Variants in CDKN2B-AS1 observed in about 807,000 individuals in gnomAD.
CDKN2B-AS1 encodes CDKN2B and CDKN2A antisense cis and trans regulatory RNA 1.
At chr9:22,064,185 GT>G (rs1823939931) in intron 4 of CDKN2B-AS1, among the ~76,000 whole-genome samples, 1 of 152,154 alleles carries the variant, frequency 6.6e-6, no homozygotes, top group African/African-American at 2.4e-5. Flanking sequence ...GGGGAGAAGA[GT>G]TCTATTGTGT....
chr9:22,015,587 A>C (rs1821711072), intron 1 of CDKN2B-AS1, among the ~76,000 whole-genome samples: 1 of 152,000 alleles, frequency 6.6e-6, no homozygotes, highest in Admixed American at 6.5e-5. Flanking sequence ...TGAATCTTCA[A>C]TTCATTAACA....
intron 1 of CDKN2B-AS1, among the ~76,000 whole-genome samples, chr9:22,017,643 A>T (rs1348333144): frequency 6.6e-6 from 1 of 152,244 alleles, no homozygotes; most frequent in Non-Finnish European, 1.5e-5. Context: ...ACCTTGTCAC[A>T]TCAGTAATGT....
intron 4 of CDKN2B-AS1, among the ~76,000 whole-genome samples, chr9:22,095,445 C>G (rs1825241204): frequency 6.8e-6 from 1 of 146,772 alleles, no homozygotes. Context: ...GCACTGTGGT[C>G]TGAGAGACAG....
chr9:22,030,755 A>G (rs1457404513), intron 1 of CDKN2B-AS1: 2 of 151,876 alleles, frequency 1.3e-5, no homozygotes, highest in Non-Finnish European at 2.9e-5. Flanking sequence ...GTAAGTATTA[A>G]TTGAAATAGT....
intron 1 of CDKN2B-AS1, among the ~76,000 whole-genome samples, chr9:22,022,461 C>T (rs1037514507): frequency 3.3e-5 from 5 of 152,050 alleles, no homozygotes; most frequent in African/African-American, 1.2e-4. Flanking sequence ...TTGTCAGAAA[C>T]TAGGATTGGA....
At chr9:22,018,035 T>A (rs567007249) in intron 1 of CDKN2B-AS1, among the ~76,000 whole-genome samples, 1 of 152,212 alleles carries the variant, frequency 6.6e-6, no homozygotes, top group Non-Finnish European at 1.5e-5. Context: ...TTGAGATAGA[T>A]GAAAACATTT....
At chr9:22,080,359 T>C (rs1563968796) in intron 4 of CDKN2B-AS1, among the ~76,000 whole-genome samples, 1 of 152,228 alleles carries the variant, frequency 6.6e-6, no homozygotes, top group Non-Finnish European at 1.5e-5. Context: ...ATATTTTCCG[T>C]GTTCACTATG....
At chr9:22,061,497 G>A (rs1823817460) in intron 4 of CDKN2B-AS1, among the ~76,000 whole-genome samples, 1 of 152,020 alleles carries the variant, frequency 6.6e-6, no homozygotes, top group Admixed American at 6.6e-5. Context: ...CTACAAACAT[G>A]GATCATTATT....
intron 1 of CDKN2B-AS1, among the ~76,000 whole-genome samples, chr9:22,024,888 CCA>C (rs746688875): frequency 3.5e-4 from 53 of 152,282 alleles, no homozygotes; most frequent in Non-Finnish European, 5.6e-4. Context: ...ATTCTGTGGG[CCA>C]CCACAGCACC....
At position 22,006,094 on chromosome 9, in the gene CDKN2B-AS1, C is replaced by T. The variant is rs1419378636; in HGVS notation, n.29+10933C>T. On this transcript the variant is annotated intron_variant and non_coding_transcript_variant, in intron 1 of 4. Transcript: ENST00000650946. The surrounding 1 kb of genome is among the most constrained non-coding windows in gnomAD (Gnocchi z 6.4). ...CAGGCATCGCGCACGTCCAGCCGCGCCCCGGCCCGGTGCAGCACCACCAGC... is the reference window on the plus strand; with the variant it reads ...CAGGCATCGCGCACGTCCAGCCGCGTCCCGGCCCGGTGCAGCACCACCAGC... The T allele has an allele frequency of 1.9e-6, 3 of 1,608,432 alleles. No homozygotes were observed. In the African/African-American group the frequency reaches 4.0e-5, roughly 21 times the overall value.
At chr9:22,051,720 G>A (rs550113618) in intron 3 of CDKN2B-AS1, among the ~76,000 whole-genome samples, 24 of 152,046 alleles carry the variant, frequency 1.6e-4, no homozygotes, top group Non-Finnish European at 8.8e-5. Flanking sequence ...TAAAAAGTTG[G>A]AGATTTTTGT....
chr9:22,090,770 G>A (rs1238153391), intron 4 of CDKN2B-AS1, among the ~76,000 whole-genome samples: 1 of 152,054 alleles, frequency 6.6e-6, no homozygotes, highest in East Asian at 1.9e-4. Flanking sequence ...CTCCCATTCT[G>A]TAGGTTGGCT....
At position 22,048,737 on chromosome 9, in the gene CDKN2B-AS1, G is replaced by A. The variant is rs530540372; in HGVS notation, n.180-369G>A. 3.3e-5 allele frequency among the ~76,000 whole-genome samples: 5 copies of A among 152,268 alleles called. No homozygotes were observed. In the East Asian group the frequency reaches 9.7e-4, roughly 29 times the overall value. On this transcript the variant is annotated intron_variant and non_coding_transcript_variant, in intron 2 of 4. Transcript: ENST00000650946. ...GGAATAAGACATTTGGGAGAACACA[G>A]GAGAAGTGGGGAGGTTAAGGAGGGA... is the stretch of plus-strand genomic sequence containing the variant.
In CDKN2B-AS1 at chr9:21,997,941, A is replaced by G. The variant is rs1820758754; in HGVS notation, n.29+2780A>G. 6.6e-6 allele frequency among the ~76,000 whole-genome samples: 1 copy of G among 152,164 alleles called. No homozygotes were observed. Among genetic ancestry groups the G allele is most frequent in the Admixed American group, 6.5e-5 (1 of 15,282 alleles). ...GGATCTATCTTTGTTTATTGGAGCC[A>G]TATAGCTCAAAGTATAATCATTTTC... On this transcript the variant is annotated intron_variant and non_coding_transcript_variant, in intron 1 of 4. Transcript: ENST00000650946. This position sits in a 1 kb window ranked among gnomAD's most constrained non-coding sequence, Gnocchi z 4.8.
chr9:22,091,219 G>T (rs1393188791), intron 4 of CDKN2B-AS1, among the ~76,000 whole-genome samples: 1 of 152,128 alleles, frequency 6.6e-6, no homozygotes, highest in East Asian at 1.9e-4. Flanking sequence ...ATGCTGTTTT[G>T]GTTACTGTAG....
chr9:22,076,804 C>T (rs2131323980), intron 4 of CDKN2B-AS1, among the ~76,000 whole-genome samples: 1 of 152,314 alleles, frequency 6.6e-6, no homozygotes, highest in Non-Finnish European at 1.5e-5. Flanking sequence ...GCAATCCTCT[C>T]ACCTGAGCCT....
rs546316312 is a variant in CDKN2B-AS1, at chr9:22,006,946, T to C, written n.29+11785T>C. ...TAAATGATTTTTCCTTAACAGTTCA[T>C]CATTTTAAATTTAGACTATAATATT... On this transcript the variant is annotated intron_variant and non_coding_transcript_variant, in intron 1 of 4. Transcript: ENST00000650946. The surrounding 1 kb of genome is among the most constrained non-coding windows in gnomAD (Gnocchi z 6.4). Among the ~76,000 whole-genome samples, 121 of 152,206 alleles carry C rather than the reference T, an allele frequency of 7.9e-4. No homozygotes were observed. The highest frequency in any genetic ancestry group is 2.7e-3 in the African/African-American group (114 of 41,532).
At chr9:22,056,104 G>A (rs1823555073) in intron 3 of CDKN2B-AS1, 2 of 149,082 alleles carry the variant, frequency 1.3e-5, no homozygotes, top group South Asian at 4.2e-4. Flanking sequence ...GAGTGCAGTG[G>A]TGCAATCTCA....
chr9:22,070,234 A>C (rs1824235186), intron 4 of CDKN2B-AS1, among the ~76,000 whole-genome samples: 3 of 152,166 alleles, frequency 2.0e-5, no homozygotes, highest in Admixed American at 2.0e-4. Context: ...GTTTGGAGGA[A>C]TTAGAGTTAA....
Sources: gnomAD v4.1 joint callset for allele counts (sites outside exome capture counted in the v4.1 genomes callset) on GRCh38, gnomAD v4.1.1 for gene constraint, Gnocchi (gnomAD v3.1) non-coding constraint, MANE v1.5 for transcripts, NCBI Gene and HGNC (gene_info 2026-07-23, HGNC 2026-07-21) for gene names.